Variants in SNX6 observed in about 807,000 individuals in gnomAD.
SNX6 encodes the protein sorting nexin-6.
SNX6 carries 34 observed loss-of-function variants against 63.0 expected under a neutral mutation model. The ratio of observed to expected loss-of-function variants is 0.54; its 90% CI spans 0.41 to 0.72. The LOEUF (loss-of-function observed/expected upper bound fraction) is 0.72, where lower values mean the gene tolerates loss of function less well. Among genes scored for constraint, SNX6 ranks in the 30% least tolerant of loss-of-function variants. The pLI is 0.00. For missense variants in SNX6, 398 were observed against 471.4 expected (o/e 0.84, Z 1.44); for synonymous variants, 170 against 164.2 (o/e 1.04, Z -0.27).
intron 11 of SNX6, chr14:34,568,650 T>TA (rs1881301633): frequency 3.8e-6 from 3 of 784,720 alleles, no homozygotes; most frequent in South Asian, 2.9e-5. Flanking sequence ...TTTTTTTTTT[T>TA]AACGAATGAG....
At chr14:34,565,657 C>T (rs189129871) in intron 13 of SNX6, among the ~76,000 whole-genome samples, 334 of 152,018 alleles carry the variant, frequency 2.2e-3, no homozygotes, top group Non-Finnish European at 3.2e-3. Flanking sequence ...GCTGGGATTA[C>T]AGGCGTGCAC....
At position 34,629,946 on chromosome 14, in the gene SNX6, C is replaced by T. The variant is rs1164145980; in HGVS notation, c.15G>A (p.Leu5=). 1.9e-6 allele frequency: 3 copies of T among 1,547,312 alleles called. No homozygotes were observed. Among genetic ancestry groups the T allele is most frequent in the African/African-American group, 2.8e-5 (2 of 72,618 alleles). MMEG[L]DDGPDFLSEE... is the part of the protein sequence containing the mutation. ...CTGAGAGGAAGTCCGGGCCGTCGTC[C>T]AGGCCTTCCTGTGGGGTCGGCGGGC... Residue 5 remains leucine (L), a synonymous_variant, in exon 2 of 14, where the codon CTG becomes CTA. Coordinates refer to ENST00000362031, the MANE Select transcript of SNX6 (RefSeq NM_152233.4).
chr14:34,594,321 T>C (rs1476659165), intron 7 of SNX6, among the ~76,000 whole-genome samples: 1 of 146,516 alleles, frequency 6.8e-6, no homozygotes, highest in Non-Finnish European at 1.5e-5. Flanking sequence ...TTTTTTTTTT[T>C]TGAAACAAAG....
intron 10 of SNX6, among the ~76,000 whole-genome samples, chr14:34,579,149 T>C (rs1216566129): frequency 1.3e-5 from 2 of 151,952 alleles, no homozygotes; most frequent in Non-Finnish European, 2.9e-5. Context: ...GTGGTTATCA[T>C]ATGATCCATC....
intron 2 of SNX6, among the ~76,000 whole-genome samples, chr14:34,615,424 G>C (rs1007623120): frequency 6.6e-6 from 1 of 152,192 alleles, no homozygotes; most frequent in African/African-American, 2.4e-5. Context: ...GTCTCCCTAT[G>C]TTGCTCAGGC....
chr14:34,606,453 C>CTT (rs56390466), intron 4 of SNX6, among the ~76,000 whole-genome samples: 3,215 of 141,536 alleles, frequency 0.023, 110 homozygotes, highest in African/African-American at 0.072. Context: ...TCCAACTCTT[C>CTT]TTTTTTTTTT....
At chr14:34,575,698 A>C in intron 11 of SNX6, 58 bp downstream of exon 11, 1 of 888,138 alleles carries the variant, frequency 1.1e-6, no homozygotes, top group Non-Finnish European at 1.8e-6. Flanking sequence ...CTGAAGTCTA[A>C]CAAACTCAAG....
At chr14:34,604,153 A>C in intron 5 of SNX6, 1 of 1,282,890 alleles carries the variant, frequency 7.8e-7, no homozygotes. Context: ...CAGCAGGACC[A>C]ATGATGGGAG....
At chr14:34,576,873 G>C (rs1172739555) in intron 10 of SNX6, among the ~76,000 whole-genome samples, 1 of 150,866 alleles carries the variant, frequency 6.6e-6, no homozygotes, top group East Asian at 2.1e-4. Flanking sequence ...CATGAGGTCG[G>C]GAGTTCGAGA....
intron 2 of SNX6, 172 bp downstream of exon 2, chr14:34,629,735 T>A: frequency 2.7e-6 from 3 of 1,100,518 alleles, no homozygotes; most frequent in Non-Finnish European, 3.9e-6. Flanking sequence ...GAGCGGCCCC[T>A]AGGGAGGAAG....
intron 2 of SNX6, among the ~76,000 whole-genome samples, chr14:34,612,256 T>C (rs950708020): frequency 6.6e-6 from 1 of 152,116 alleles, no homozygotes; most frequent in Non-Finnish European, 1.5e-5. Context: ...ACTTTTAAGA[T>C]GTTTATTGTG....
chr14:34,588,295 C>T (rs1476641514), intron 8 of SNX6, among the ~76,000 whole-genome samples: 1 of 152,130 alleles, frequency 6.6e-6, no homozygotes, highest in Non-Finnish European at 1.5e-5. Flanking sequence ...GTGTGAGTCA[C>T]TGCGCCCAGC....
intron 11 of SNX6, among the ~76,000 whole-genome samples, chr14:34,570,747 G>C (rs771961634): frequency 7.3e-5 from 8 of 109,308 alleles, no homozygotes; most frequent in Admixed American, 3.1e-4. Context: ...TTTTTGAGAT[G>C]GAGTCTCACT....
intron 2 of SNX6, among the ~76,000 whole-genome samples, chr14:34,620,971 G>T (rs60370017): frequency 7.2e-5 from 11 of 151,930 alleles, no homozygotes; most frequent in Middle Eastern, 6.8e-3. Flanking sequence ...AAATGGTGAC[G>T]GGCGTCTCAC....
rs146083735 is a variant in SNX6 at position 34,614,436 on chromosome 14, C to CAA, written c.55-4696_55-4695dup. The stretch of plus-strand genomic sequence containing the variant: ...TGGGTGACAAAGTGAGACCCTGTCT[C>CAA]AAAAAAAAAAAACCAAAAAACTCCA... On this transcript the variant is annotated intron_variant, in intron 2 of 13. Coordinates refer to ENST00000362031, the MANE Select transcript of SNX6 (RefSeq NM_152233.4). Among the ~76,000 whole-genome samples the CAA allele has an allele frequency of 2.7e-4, 35 of 130,088 alleles. 1 individual carries two copies. The highest frequency in any genetic ancestry group is 8.2e-4 in the African/African-American group (29 of 35,324). 85.3% of individuals were successfully genotyped at this position (130,088 alleles called of 152,430 possible).
intron 11 of SNX6, among the ~76,000 whole-genome samples, chr14:34,573,851 C>T (rs1209244760): frequency 2.0e-5 from 3 of 151,620 alleles, no homozygotes; most frequent in African/African-American, 7.3e-5. Context: ...CTATGTTGGC[C>T]AGGCTGCTCT....
chr14:34,590,113 C>A (rs116429516), intron 8 of SNX6, among the ~76,000 whole-genome samples: 4,580 of 151,464 alleles, frequency 0.03, 199 homozygotes, highest in African/African-American at 0.099. Flanking sequence ...TCAACAACAA[C>A]AACAAAAAAC....
chr14:34,595,264 A>G (rs1452678184), intron 7 of SNX6, among the ~76,000 whole-genome samples: 1 of 152,070 alleles, frequency 6.6e-6, no homozygotes, highest in East Asian at 1.9e-4. Flanking sequence ...AAGCCTCCCG[A>G]GTAGCTGGGA....
chr14:34,628,283 C>A (rs1427779322), intron 2 of SNX6, among the ~76,000 whole-genome samples: 1 of 152,116 alleles, frequency 6.6e-6, no homozygotes, highest in Non-Finnish European at 1.5e-5. Context: ...CATGATGAAA[C>A]CCCGTCTCTA....
Sources: gnomAD v4.1 joint callset for allele counts (sites outside exome capture counted in the v4.1 genomes callset) on GRCh38, gnomAD v4.1.1 for gene constraint, MANE v1.5 for transcripts, NCBI Gene and HGNC (gene_info 2026-07-23, HGNC 2026-07-21) for gene names.